Variants in GABRB3 observed in about 807,000 individuals in gnomAD.
GABRB3 encodes the protein gamma-aminobutyric acid type A receptor subunit beta3, also known as gamma-aminobutyric acid receptor subunit beta-3.
In GABRB3, 14 loss-of-function variants were observed where a neutral mutation model predicts 52.1. The ratio of observed to expected loss-of-function variants is 0.27; its 90% CI spans 0.18 to 0.42. The LOEUF (loss-of-function observed/expected upper bound fraction) is 0.42, where lower values mean the gene tolerates loss of function less well. Ranked by LOEUF, GABRB3 falls within the 10% of genes least tolerant of loss-of-function variation. The pLI is 1.00. For missense variants in GABRB3, 307 were observed against 609.1 expected, an observed-to-expected ratio of 0.50 and a Z score of 5.22; for synonymous variants, 260 against 232.3, an observed-to-expected ratio of 1.12 and a Z score of -1.08.
At chr15:26,701,009 C>T (rs759807707) in intron 3 of GABRB3, among the ~76,000 whole-genome samples, 5 of 151,690 alleles carry the variant, frequency 3.3e-5, no homozygotes, top group Admixed American at 6.6e-5. Context: ...GAGCCGAGAT[C>T]GCACCACTGC....
chr15:26,732,235 CAGATGGATGGATGGATGAAT>C (rs1413404173), intron 3 of GABRB3, among the ~76,000 whole-genome samples: 1 of 138,272 alleles, frequency 7.2e-6, no homozygotes, highest in Non-Finnish European at 1.5e-5. Context: ...GATGGGTGGA[CAGATGGATGGATGGATGAAT>C]AGATGGATGG....
chr15:26,597,448 T>C (rs1475032938), intron 4 of GABRB3, among the ~76,000 whole-genome samples: 3 of 152,092 alleles, frequency 2.0e-5, no homozygotes, highest in Admixed American at 2.0e-4. Flanking sequence ...AAAGTGTTGT[T>C]AAGGTGACAA....
chr15:26,626,344 A>C (rs1296184611), intron 3 of GABRB3, among the ~76,000 whole-genome samples: 1 of 152,144 alleles, frequency 6.6e-6, no homozygotes, highest in African/African-American at 2.4e-5. Context: ...TATCAACATT[A>C]GGCCAGTTAG....
In GABRB3 at chr15:26,772,862, C is replaced by G. The variant is rs775128696; in HGVS notation, c.80+21G>C. 16 of 1,451,260 alleles carry G rather than the reference C, an allele frequency of 1.1e-5. No individual in the cohort carries two copies. The South Asian group carries it at 2.2e-4, about 20-fold the overall frequency. The allele number at this position is 1,451,260 out of a possible 1,614,324, so 89.9% of individuals were successfully genotyped here. ...CACCCCGCGCCCTGCCCGCCGCCCG[C>G]CGGCCCACCCGCGACCCTACCTCTG... On this transcript the variant is annotated intron_variant, in intron 1 of 8. Coordinates refer to ENST00000311550, the MANE Select transcript of GABRB3 (RefSeq NM_000814.6).
intron 4 of GABRB3, among the ~76,000 whole-genome samples, chr15:26,594,590 G>C (rs1234910770): frequency 6.6e-6 from 1 of 152,102 alleles, no homozygotes; most frequent in African/African-American, 2.4e-5. Context: ...CAAACACCTG[G>C]GCTCAAGTGA....
chr15:26,761,567 T>C (rs1002900394), intron 3 of GABRB3, among the ~76,000 whole-genome samples: 1 of 151,996 alleles, frequency 6.6e-6, no homozygotes, highest in Non-Finnish European at 1.5e-5. Context: ...TTGTATATAA[T>C]ATAAATTACA....
intron 4 of GABRB3, among the ~76,000 whole-genome samples, chr15:26,600,673 C>A (rs1891555755): frequency 6.6e-6 from 1 of 152,118 alleles, no homozygotes; most frequent in African/African-American, 2.4e-5. Flanking sequence ...CTTTCCCAGA[C>A]AAACAAATGT....
chr15:26,637,281 AC>A (rs1401752923), intron 3 of GABRB3, among the ~76,000 whole-genome samples: 1 of 152,010 alleles, frequency 6.6e-6, no homozygotes, highest in Non-Finnish European at 1.5e-5. Context: ...TGACTTCCTT[AC>A]CTTAGTCAGG....
chr15:26,751,227 CCTTT>C (rs1397080400), intron 3 of GABRB3, among the ~76,000 whole-genome samples: 1 of 152,184 alleles, frequency 6.6e-6, no homozygotes, highest in Non-Finnish European at 1.5e-5. Context: ...TCACAGGATT[CCTTT>C]CTTTCTTTAA....
intron 3 of GABRB3, chr15:26,642,416 T>C: frequency 8.3e-7 from 1 of 1,201,176 alleles, no homozygotes; most frequent in Non-Finnish European, 1.1e-6. Flanking sequence ...CAACTGTGTA[T>C]ATATATGTAT....
chr15:26,634,631 T>C (rs897249928), intron 3 of GABRB3, among the ~76,000 whole-genome samples: 2 of 151,874 alleles, frequency 1.3e-5, no homozygotes, highest in Non-Finnish European at 2.9e-5. Flanking sequence ...ACCTCAGACA[T>C]GTTATGGGTT....
At chr15:26,615,676 C>T (rs1892227593) in intron 4 of GABRB3, 1 of 858,288 alleles carries the variant, frequency 1.2e-6, no homozygotes, top group Non-Finnish European at 1.5e-6. Context: ...CAAAGGTCTT[C>T]ATCTAGCCTA....
chr15:26,757,495 T>C (rs1380000206), intron 3 of GABRB3, among the ~76,000 whole-genome samples: 1 of 152,138 alleles, frequency 6.6e-6, no homozygotes, highest in Non-Finnish European at 1.5e-5. Flanking sequence ...ACGGGGGCAC[T>C]AAAAAAGTGG....
intron 3 of GABRB3, among the ~76,000 whole-genome samples, chr15:26,706,028 T>C (rs1288704840): frequency 6.6e-6 from 1 of 151,888 alleles, no homozygotes; most frequent in Non-Finnish European, 1.5e-5. Flanking sequence ...AACCTGCACA[T>C]GTTTCCCCTG....
At chr15:26,675,519 C>G (rs893740799) in intron 3 of GABRB3, among the ~76,000 whole-genome samples, 3 of 152,052 alleles carry the variant, frequency 2.0e-5, no homozygotes, top group Non-Finnish European at 1.5e-5. Context: ...GACATTTGTT[C>G]AAGAAAATAA....
intron 3 of GABRB3, among the ~76,000 whole-genome samples, chr15:26,683,683 C>T (rs1000878739): frequency 2.0e-5 from 3 of 152,160 alleles, no homozygotes; most frequent in Non-Finnish European, 2.9e-5. Context: ...ACCTGAAAAA[C>T]GCTTTCATGG....
At position 26,580,419 on chromosome 15, in the gene GABRB3, T is replaced by C; in HGVS notation, c.582A>G (p.Arg194=). ...CTCCGGTAACAGCCTTGTCCCCGCCTCGCCAGTAAAACTCAATGTCATCCG... is the reference window on the plus strand; with the variant it reads ...CTCCGGTAACAGCCTTGTCCCCGCCCCGCCAGTAAAACTCAATGTCATCCG... ...YTTDDIEFYW[R]GGDKAVTGVE... is the part of the protein sequence containing the mutation. The change falls in exon 6 of 9, where the codon CGA becomes CGG. Residue 194 remains arginine (R), a synonymous_variant. Transcript: ENST00000311550. The C allele has an allele frequency of 6.2e-7, 1 of 1,614,174 alleles. No homozygotes were observed. Among genetic ancestry groups the C allele is most frequent in the Non-Finnish European group, 8.5e-7 (1 of 1,180,034 alleles).
intron 3 of GABRB3, among the ~76,000 whole-genome samples, chr15:26,677,570 G>C (rs1443686892): frequency 6.6e-6 from 1 of 151,996 alleles, no homozygotes. Flanking sequence ...CAATTTCTGG[G>C]GATCCAGAAG....
rs146994729 is a variant in GABRB3, at chr15:26,629,094, G to T, written c.241-7560C>A. ...ACGCTAACCGGAAGTTGTGACTGTC[G>T]CTTCCTCTCCATCTCTGCTCTTTAC... On this transcript the variant is annotated intron_variant, in intron 3 of 8. Coordinates refer to ENST00000311550, the MANE Select transcript of GABRB3 (RefSeq NM_000814.6). The T allele has an allele frequency of 9.6e-5, 148 of 1,535,742 alleles. No homozygotes were observed. In the African/African-American group the frequency reaches 1.7e-3, roughly 18 times the overall value.
Sources: gnomAD v4.1 joint callset for allele counts (sites outside exome capture counted in the v4.1 genomes callset) on GRCh38, gnomAD v4.1.1 for gene constraint, MANE v1.5 for transcripts, NCBI Gene and HGNC (gene_info 2026-07-23, HGNC 2026-07-21) for gene names.